Variants in WIPF1 observed in about 807,000 individuals in gnomAD.
WIPF1 encodes the protein WAS/WASL interacting protein family member 1.
WIPF1 carries 13 observed loss-of-function variants against 35.4 expected under a neutral mutation model. The ratio of observed to expected loss-of-function variants is 0.37; its 90% confidence interval spans 0.24 to 0.58. The LOEUF (loss-of-function observed/expected upper bound fraction) is 0.58. Ranked by LOEUF, WIPF1 falls within the 20% of genes least tolerant of loss-of-function variation. The probability of loss-of-function intolerance (pLI) is 0.74; values close to 1 mark genes in which losing one functional copy is unlikely to be tolerated. For missense variants in WIPF1, 591 were observed against 667.0 expected (o/e 0.89, Z 1.25); for synonymous variants, 267 against 266.3 (o/e 1.00, Z -0.02).
intron 1 of WIPF1, among the ~76,000 whole-genome samples, chr2:174,633,919 T>C (rs1030814479): frequency 2.6e-5 from 4 of 152,122 alleles, no homozygotes; most frequent in Non-Finnish European, 4.4e-5. Context: ...TACTCCTGTT[T>C]TGTGTTAGTA....
At chr2:174,642,598 C>T (rs1007648714) in intron 1 of WIPF1, among the ~76,000 whole-genome samples, 2 of 151,830 alleles carry the variant, frequency 1.3e-5, no homozygotes, top group South Asian at 4.1e-4. Flanking sequence ...CCACCTGCCT[C>T]GGCCTCCCAA....
intron 2 of WIPF1, among the ~76,000 whole-genome samples, chr2:174,581,853 C>T (rs558154568): frequency 4.4e-4 from 67 of 152,296 alleles, no homozygotes; most frequent in Non-Finnish European, 2.2e-4. Context: ...TTTAGAACTA[C>T]CCCAGTGCAA....
chr2:174,647,649 TAA>T (rs10716104), intron 1 of WIPF1, among the ~76,000 whole-genome samples: 7,882 of 141,244 alleles, frequency 0.056, 628 homozygotes, highest in African/African-American at 0.18. Flanking sequence ...GACCCTGTCT[TAA>T]AAAAAAAAAA....
rs1004108074 is a variant in WIPF1, at chr2:174,560,585, T to C, written c.*1962A>G. The C allele has an allele frequency of 1.3e-5, 2 of 152,614 alleles. No homozygotes were observed. Among genetic ancestry groups the C allele is most frequent in the African/African-American group, 4.8e-5 (2 of 41,450 alleles). The allele number at this position is 152,614 out of a possible 1,614,324, so 9.5% of individuals were successfully genotyped here. A position where few individuals can be genotyped will look rare whatever the true frequency, so the allele number is the denominator to read the frequency against. On this transcript the variant is annotated 3_prime_UTR_variant, in exon 8 of 8. Transcript: ENST00000679041. ...TGCTAGAGATTAAAAAAATTTTTTTTTAAAAAGCCAACACTTTGCCAAGCT... is the reference window on the plus strand; with the variant it reads ...TGCTAGAGATTAAAAAAATTTTTTTCTAAAAAGCCAACACTTTGCCAAGCT...
At chr2:174,645,200 CT>C (rs1053780073) in intron 1 of WIPF1, among the ~76,000 whole-genome samples, 1 of 152,008 alleles carries the variant, frequency 6.6e-6, no homozygotes, top group Admixed American at 6.6e-5. Flanking sequence ...TTAAACAACC[CT>C]TTGAGTTAAA....
At chr2:174,639,411 G>A (rs751455614) in intron 1 of WIPF1, among the ~76,000 whole-genome samples, 4 of 152,012 alleles carry the variant, frequency 2.6e-5, no homozygotes, top group Non-Finnish European at 4.4e-5. Context: ...GCATCATCAC[G>A]CTTGGCTAAT....
intron 3 of WIPF1, among the ~76,000 whole-genome samples, chr2:174,577,418 T>C (rs1230338915): frequency 1.3e-5 from 2 of 152,234 alleles, no homozygotes; most frequent in Non-Finnish European, 2.9e-5. Flanking sequence ...TGTTCTGATA[T>C]TAATGAGAAT....
intron 2 of WIPF1, among the ~76,000 whole-genome samples, chr2:174,584,903 CA>C (rs34445660): frequency 0.32 from 41,743 of 132,122 alleles, 6,178 homozygotes; most frequent in Middle Eastern, 0.38. Flanking sequence ...GAGCGAGACT[CA>C]AAAAAAAAAA....
In WIPF1 at chr2:174,560,260, A is replaced by T. The variant is rs1684450963; in HGVS notation, c.*2287T>A. The T allele has an allele frequency of 1.3e-5, 2 of 152,620 alleles. No individual in the cohort carries two copies. Among genetic ancestry groups the T allele is most frequent in the Non-Finnish European group, 2.9e-5 (2 of 68,008 alleles). The allele number at this position is 152,620 out of a possible 1,614,324, so 9.5% of individuals were successfully genotyped here. Reference sequence around the variant, plus strand: ...GGTGTATTAATGAAACAGTCACTTAAACACTACATTCTAAAACAATCTATT... The same window carrying T: ...GGTGTATTAATGAAACAGTCACTTATACACTACATTCTAAAACAATCTATT... On this transcript the variant is annotated 3_prime_UTR_variant, in exon 8 of 8. Coordinates refer to ENST00000679041, the MANE Select transcript of WIPF1 (RefSeq NM_001375834.1).
At chr2:174,638,799 G>A (rs975827837) in intron 1 of WIPF1, among the ~76,000 whole-genome samples, 8 of 152,038 alleles carry the variant, frequency 5.3e-5, no homozygotes, top group African/African-American at 9.7e-5. Context: ...GGACATTTAC[G>A]CAGATTCCCA....
At chr2:174,644,913 A>G (rs1212803084) in intron 1 of WIPF1, among the ~76,000 whole-genome samples, 3 of 152,216 alleles carry the variant, frequency 2.0e-5, no homozygotes, top group Non-Finnish European at 2.9e-5. Context: ...ATATCACTGG[A>G]GGGATATGGC....
At position 174,571,087 on chromosome 2, in the gene WIPF1, T is replaced by G. The variant is rs1405005991; in HGVS notation, c.1129+589A>C. 2 of 158,418 alleles carry G rather than the reference T, an allele frequency of 1.3e-5. No homozygotes were observed. Among genetic ancestry groups the G allele is most frequent in the Non-Finnish European group, 2.8e-5 (2 of 71,462 alleles). The allele number at this position is 158,418 out of a possible 1,614,324, so 9.8% of individuals were successfully genotyped here. A position where few individuals can be genotyped will look rare whatever the true frequency, so the allele number is the denominator to read the frequency against. On this transcript the variant is annotated intron_variant, in intron 5 of 7. Transcript: ENST00000679041. The surrounding 1 kb of genome is among the most constrained non-coding windows in gnomAD (Gnocchi z 4.6). ...AGCAGGCAAATTTTGAGTTTATGCC[T>G]GAGTATTTTTGTAAAGATAGTCTAT... is the stretch of plus-strand genomic sequence containing the variant.
intron 1 of WIPF1, among the ~76,000 whole-genome samples, chr2:174,595,290 C>CAAAAA (rs377491345): frequency 6.0e-4 from 27 of 45,264 alleles, no homozygotes; most frequent in African/African-American, 2.0e-3. Context: ...AACCCTGTCT[C>CAAAAA]AAAAAAAAAA....
chr2:174,648,146 A>G (rs1411391260), intron 1 of WIPF1, among the ~76,000 whole-genome samples: 1 of 152,252 alleles, frequency 6.6e-6, no homozygotes, highest in African/African-American at 2.4e-5. Context: ...CAAAACAGAA[A>G]CATCTCTCGA....
chr2:174,582,054 CAT>C (rs1270533991), intron 2 of WIPF1, among the ~76,000 whole-genome samples: 1 of 151,982 alleles, frequency 6.6e-6, no homozygotes, highest in African/African-American at 2.4e-5. Context: ...TTTTGACAAA[CAT>C]ATACAGTTGT....
chr2:174,585,662 G>T, intron 1 of WIPF1, 51 bp from the exon 2 acceptor site: 2 of 1,287,158 alleles, frequency 1.6e-6, no homozygotes, highest in Non-Finnish European at 1.1e-6. Context: ...TAGTAATACT[G>T]TCCTAATCTG....
intron 1 of WIPF1, chr2:174,587,432 T>C (rs1685460246): frequency 6.6e-6 from 1 of 152,178 alleles, no homozygotes; most frequent in Non-Finnish European, 1.5e-5. Flanking sequence ...ACAAATACTT[T>C]CTATTGAGAT....
At chr2:174,572,500 C>G (rs1684906441) in intron 4 of WIPF1, 54 bp from the exon 5 acceptor site, 1 of 1,607,256 alleles carries the variant, frequency 6.2e-7, no homozygotes, top group Admixed American at 1.7e-5. Flanking sequence ...CTGAAGAAAT[C>G]AGAGAGCTAG....
In WIPF1 at chr2:174,622,012, C is replaced by T. The variant is rs929523456; in HGVS notation, c.-38-36401G>A. Among the ~76,000 whole-genome samples the T allele has an allele frequency of 2.0e-5, 3 of 152,218 alleles. No homozygotes were observed. Among genetic ancestry groups the T allele is most frequent in the Non-Finnish European group, 4.4e-5 (3 of 68,036 alleles). On this transcript the variant is annotated intron_variant, in intron 1 of 8. Coordinates refer to the WIPF1 transcript ENST00000272746. The surrounding 1 kb of genome is among the most constrained non-coding windows in gnomAD (Gnocchi z 5.1). ...CAAATCACTGCCCACCCCACCCTCCCTTCTCAGAGGGAGTGCAAAGGGGCA... is the reference window on the plus strand; with the variant it reads ...CAAATCACTGCCCACCCCACCCTCCTTTCTCAGAGGGAGTGCAAAGGGGCA...
Sources: allele counts gnomAD v4.1 joint callset (sites outside exome capture counted in the v4.1 genomes callset), GRCh38; gene constraint gnomAD v4.1.1; non-coding constraint Gnocchi (gnomAD v3.1); transcripts MANE v1.5; gene names NCBI Gene and HGNC (gene_info 2026-07-23, HGNC 2026-07-21).